The following PCDHGA9 variants were observed in gnomAD, a reference collection of about 807,000 sequenced individuals.
PCDHGA9 encodes the protein protocadherin gamma-A9.
In PCDHGA9, 37 loss-of-function variants were observed where a neutral mutation model predicts 62.5. The observed-to-expected ratio is 0.59, with a 90% CI of 0.46 to 0.78. The LOEUF is 0.78. PCDHGA9 is among the 30% of genes least tolerant of loss of function. The pLI is 0.00. For missense variants in PCDHGA9, 1,138 were observed against 1,166.2 expected, an observed-to-expected ratio of 0.98 and a Z score of 0.35; for synonymous variants, 459 against 484.6, an observed-to-expected ratio of 0.95 and a Z score of 0.69.
chr5:141,463,510 G>A (rs1031854898), intron 1 of PCDHGA9, among the ~76,000 whole-genome samples: 4 of 143,710 alleles, frequency 2.8e-5, no homozygotes, highest in Non-Finnish European at 4.5e-5. Context: ...GTGACGTGGC[G>A]TGATCTCGGC....
Position 141,403,053 on chromosome 5 carries a change from C to A in PCDHGA9, c.101C>A (p.Ser34Ter). The A allele has an allele frequency of 6.2e-7, 1 of 1,614,076 alleles. No individual in the cohort carries two copies. The highest frequency in any genetic ancestry group is 8.5e-7 in the Non-Finnish European group (1 of 1,179,912). Residue 34 changes from serine (S) to a stop codon, truncating the protein, a stop_gained, in exon 1 of 4, where the codon TCA becomes TAA. Coordinates refer to ENST00000573521, the MANE Select transcript of PCDHGA9 (RefSeq NM_018921.3). LOFTEE classifies it high-confidence loss of function. The part of the protein sequence containing the change: ...WEARASQIRY[S>*]VPEETEKGYI... ...GCCAGGGCCAGTCAGATTCGCTACT[C>A]AGTGCCTGAAGAGACAGAAAAGGGC...
At chr5:141,420,213 G>A in intron 1 of PCDHGA9, 1 of 1,611,648 alleles carries the variant, frequency 6.2e-7, no homozygotes, top group Non-Finnish European at 8.5e-7. Flanking sequence ...AACAAAGATA[G>A]CATGCTACTG....
At chr5:141,449,022 A>G (rs2154562454) in intron 1 of PCDHGA9, among the ~76,000 whole-genome samples, 1 of 152,312 alleles carries the variant, frequency 6.6e-6, no homozygotes, top group Admixed American at 6.5e-5. Context: ...GTTGCTTAGC[A>G]TTCCTTTGGA....
At chr5:141,427,890 G>A in intron 1 of PCDHGA9, 1 of 1,566,844 alleles carries the variant, frequency 6.4e-7, no homozygotes, top group Non-Finnish European at 8.7e-7. Flanking sequence ...CCACGACCAG[G>A]GCTCGCCCGC....
intron 2 of PCDHGA9, among the ~76,000 whole-genome samples, chr5:141,502,253 T>C (rs1331834149): frequency 6.6e-6 from 1 of 152,232 alleles, no homozygotes; most frequent in South Asian, 2.1e-4. Context: ...TTTTTTTTAA[T>C]CCAGGATTTT....
intron 1 of PCDHGA9, chr5:141,478,523 G>A: frequency 1.2e-6 from 2 of 1,609,908 alleles, no homozygotes; most frequent in Non-Finnish European, 1.7e-6. Flanking sequence ...GGTGTTGGGT[G>A]CAGAGAGCGC....
chr5:141,459,025 A>C (rs2098959135), intron 1 of PCDHGA9, among the ~76,000 whole-genome samples: 1 of 152,336 alleles, frequency 6.6e-6, no homozygotes, highest in Non-Finnish European at 1.5e-5. Flanking sequence ...GAGCCACCAC[A>C]TCCAGCCTTA....
rs369141362 is a variant in PCDHGA9 at position 141,404,800 on chromosome 5, C to T, written c.1848C>T (p.Leu616=). The T allele has an allele frequency of 1.8e-5, 29 of 1,613,852 alleles. No homozygotes were observed. The Admixed American group carries it at 3.3e-4, about 19-fold the overall frequency. Residue 616 remains leucine (L), a synonymous_variant, in exon 1 of 4, where the codon CTC becomes CTT. Transcript: ENST00000573521. ...TATTCAAGGCCAGTGAGCCAGGGCT[C>T]TTCTCGGTGGGGCTGCACACAGGTG... is the stretch of plus-strand genomic sequence containing the variant. ...YRLFKASEPG[L]FSVGLHTGEV...
intron 1 of PCDHGA9, among the ~76,000 whole-genome samples, chr5:141,460,912 G>GTGTATATATA (rs145509489): frequency 6.7e-6 from 1 of 149,236 alleles, no homozygotes; most frequent in Non-Finnish European, 1.5e-5. Flanking sequence ...ATTCCATGGT[G>GTGTATATATA]TATATATATA....
intron 2 of PCDHGA9, among the ~76,000 whole-genome samples, chr5:141,502,517 G>A (rs1333510345): frequency 1.3e-5 from 2 of 152,128 alleles, no homozygotes; most frequent in Admixed American, 6.6e-5. Flanking sequence ...CCCACTATCA[G>A]TGATGCCGAG....
In PCDHGA9 at chr5:141,431,202, C is replaced by T. The variant is rs2097350864; in HGVS notation, c.2424+25826C>T. The stretch of plus-strand genomic sequence containing the variant: ...ATAAAAATTAGTGAAAATGCAGCCA[C>T]TGAGATGCGGTTCCCTCTACCCCAC... On this transcript the variant is annotated intron_variant, in intron 1 of 3. Coordinates refer to ENST00000573521, the MANE Select transcript of PCDHGA9 (RefSeq NM_018921.3). The surrounding 1 kb of genome is among the most constrained non-coding windows in gnomAD (Gnocchi z 4.8). 6.2e-7 allele frequency: 1 copy of T among 1,614,204 alleles called. No individual in the cohort carries two copies. Among genetic ancestry groups the T allele is most frequent in the Non-Finnish European group, 8.5e-7 (1 of 1,180,052 alleles).
intron 1 of PCDHGA9, chr5:141,413,404 C>T: frequency 6.2e-7 from 1 of 1,614,046 alleles, no homozygotes; most frequent in Non-Finnish European, 8.5e-7. Context: ...AGGTAGGACG[C>T]AGCTTTTCTC....
chr5:141,491,118 T>C lies in PCDHGA9; in HGVS notation c.2425-3689T>C, dbSNP rs1421005816. Reference sequence around the variant, plus strand: ...TGTTCCTCGTGTCTACACACACTGGTGAGGTGCGCACAGCCCGGGCCTTAC... The same window carrying C: ...TGTTCCTCGTGTCTACACACACTGGCGAGGTGCGCACAGCCCGGGCCTTAC... On this transcript the variant is annotated intron_variant, in intron 1 of 3. Coordinates refer to ENST00000573521, the MANE Select transcript of PCDHGA9 (RefSeq NM_018921.3). This position sits in a 1 kb window ranked among gnomAD's most constrained non-coding sequence, Gnocchi z 6.9. The C allele has an allele frequency of 1.2e-6, 2 of 1,613,926 alleles. No homozygotes were observed. Among genetic ancestry groups the C allele is most frequent in the African/African-American group, 2.7e-5 (2 of 74,890 alleles).
At chr5:141,414,015 A>C in intron 1 of PCDHGA9, 1 of 1,613,160 alleles carries the variant, frequency 6.2e-7, no homozygotes, top group South Asian at 1.1e-5. Context: ...CCAATGGAGA[A>C]GTGACATATT....
chr5:141,432,369 A>G lies in PCDHGA9; in HGVS notation c.2424+26993A>G. 6.2e-7 allele frequency: 1 copy of G among 1,614,222 alleles called. No homozygotes were observed. The highest frequency in any genetic ancestry group is 1.1e-5 in the South Asian group (1 of 91,084). ...CAAGTGAAAGTGATGGCGCGGGACA[A>G]CGGGCACCCGCCCCTCAGCAGCAAC... On this transcript the variant is annotated intron_variant, in intron 1 of 3. Coordinates refer to ENST00000573521, the MANE Select transcript of PCDHGA9 (RefSeq NM_018921.3). The surrounding 1 kb of genome is among the most constrained non-coding windows in gnomAD (Gnocchi z 6.0).
chr5:141,506,280 C>CT (rs1455257972), intron 3 of PCDHGA9, among the ~76,000 whole-genome samples: 1 of 152,024 alleles, frequency 6.6e-6, no homozygotes, highest in Non-Finnish European at 1.5e-5. Flanking sequence ...GAAACCCTGT[C>CT]TCTACTAAAA....
chr5:141,503,665 C>A (rs1210514896), intron 2 of PCDHGA9, among the ~76,000 whole-genome samples: 2 of 151,792 alleles, frequency 1.3e-5, no homozygotes, highest in African/African-American at 4.8e-5. Flanking sequence ...AATTACAACT[C>A]TTCCCACTTT....
intron 1 of PCDHGA9, among the ~76,000 whole-genome samples, chr5:141,448,214 G>A (rs2098576063): frequency 6.6e-6 from 1 of 152,092 alleles, no homozygotes; most frequent in Non-Finnish European, 1.5e-5. Context: ...CTGTGTGTAT[G>A]CGAATGTATG....
intron 1 of PCDHGA9, among the ~76,000 whole-genome samples, chr5:141,465,904 C>T (rs1364574558): frequency 2.0e-5 from 3 of 152,046 alleles, no homozygotes; most frequent in Admixed American, 6.5e-5. Context: ...GGGCAAATCA[C>T]GAGGTCAGGA....
Sources: gnomAD v4.1 joint callset for allele counts (sites outside exome capture counted in the v4.1 genomes callset) on GRCh38, gnomAD v4.1.1 for gene constraint, Gnocchi (gnomAD v3.1) non-coding constraint, MANE v1.5 for transcripts, NCBI Gene and HGNC (gene_info 2026-07-23, HGNC 2026-07-21) for gene names.